SRA1: variants seen among roughly 807,000 people sequenced by gnomAD.
The protein encoded by SRA1 is steroid receptor RNA activator 1.
Under a neutral mutation model 24.3 loss-of-function variants are expected in SRA1, and 25 were observed. That is an observed-to-expected ratio of 1.03 (90% CI 0.75 to 1.43). The LOEUF (loss-of-function observed/expected upper bound fraction) is 1.43. SRA1 is among the 40% of genes most tolerant of loss of function. The pLI, the probability that SRA1 is intolerant of heterozygous loss-of-function variation, is 0.00. For missense variants in SRA1, 303 were observed against 286.6 expected (o/e 1.06, Z -0.41); for synonymous variants, 104 against 109.5 (o/e 0.95, Z 0.31).
chr5:140,552,139 G>A lies in SRA1; in HGVS notation c.197C>T (p.Pro66Leu). Residue 66 changes from proline to leucine, a missense_variant, in exon 3 of 5, where the codon CCA becomes CTA. Coordinates refer to ENST00000336283, the MANE Select transcript of SRA1 (RefSeq NM_001035235.4). ...TSPGPPPMGPPPPSSKAPRSP... is the reference protein window; with the variant it reads ...TSPGPPPMGPLPPSSKAPRSP... The stretch of plus-strand genomic sequence containing the variant: ...CCTGGGAGCCTTACTTGAAGGAGGT[G>A]GAGGCCCCATTGGGGGAGGCCCAGG... 6.2e-7 allele frequency: 1 copy of A among 1,611,436 alleles called. No individual in the cohort carries two copies. The highest frequency in any genetic ancestry group is 8.5e-7 in the Non-Finnish European group (1 of 1,178,816).
intron 2 of SRA1, among the ~76,000 whole-genome samples, chr5:140,555,279 C>T (rs1417072302): frequency 6.7e-6 from 1 of 149,238 alleles, no homozygotes; most frequent in Non-Finnish European, 1.5e-5. Flanking sequence ...CAGAATATCA[C>T]TCTGTCGCCC....
At chr5:140,551,214 TGAGGG>T (rs1259630514) in intron 3 of SRA1, 45 bp from the exon 4 acceptor site, 2 of 1,497,060 alleles carry the variant, frequency 1.3e-6, no homozygotes, top group Non-Finnish European at 1.9e-6. Context: ...GCCAGCCCAA[TGAGGG>T]GAGGAGAGGG....
At chr5:140,557,113 T>A in intron 2 of SRA1, 34 bp downstream of exon 2, 9 of 1,145,202 alleles carry the variant, frequency 7.9e-6, no homozygotes, top group South Asian at 1.4e-5. Context: ...CCCCCCATTC[T>A]CCGTCTGTCT....
chr5:140,550,427 A>C lies in SRA1; in HGVS notation c.*273T>G, dbSNP rs930878962. Reference sequence around the variant, plus strand: ...GAAGGGAGAACAGAGGTTTGCAGATACACAGGGAGCAGGGCAGTCGAGGAC... The same window carrying C: ...GAAGGGAGAACAGAGGTTTGCAGATCCACAGGGAGCAGGGCAGTCGAGGAC... On this transcript the variant is annotated 3_prime_UTR_variant, in exon 5 of 5. Transcript: ENST00000336283. The C allele has an allele frequency of 3.9e-6, 2 of 506,878 alleles. No homozygotes were observed. The highest frequency in any genetic ancestry group is 3.8e-5 in the African/African-American group (2 of 52,126). 31.4% of individuals were successfully genotyped at this position (506,878 alleles called of 1,614,324 possible).
intron 2 of SRA1, among the ~76,000 whole-genome samples, chr5:140,555,723 T>C (rs1754677051): frequency 6.6e-6 from 1 of 151,918 alleles, no homozygotes. Flanking sequence ...CAGCCTAAAC[T>C]TCACATGGCC....
intron 3 of SRA1, 86 bp from the exon 4 acceptor site, chr5:140,551,255 C>T (rs1402688926): frequency 1.0e-6 from 1 of 973,832 alleles, no homozygotes; most frequent in Admixed American, 2.2e-5. Flanking sequence ...TAGGAAGCAC[C>T]TGCTTTCTCT....
intron 2 of SRA1, among the ~76,000 whole-genome samples, chr5:140,556,294 C>T (rs1754692446): frequency 6.6e-6 from 1 of 152,132 alleles, no homozygotes; most frequent in Non-Finnish European, 1.5e-5. Flanking sequence ...GGGGCCACGG[C>T]ACAGCCCATT....
chr5:140,557,537 G>C (rs913697480), upstream of SRA1: 2 of 1,476,052 alleles, frequency 1.4e-6, no homozygotes, highest in South Asian at 1.3e-5. Flanking sequence ...TCCAGGGCCA[G>C]GCGGGTTGCC....
At chr5:140,555,814 T>C (rs987709106) in intron 2 of SRA1, among the ~76,000 whole-genome samples, 1 of 151,896 alleles carries the variant, frequency 6.6e-6, no homozygotes, top group African/African-American at 2.4e-5. Context: ...ATATGGATTC[T>C]TCCTAATCTA....
chr5:140,555,985 T>A (rs1022943819), intron 2 of SRA1, among the ~76,000 whole-genome samples: 7 of 152,258 alleles, frequency 4.6e-5, no homozygotes, highest in African/African-American at 1.7e-4. Context: ...GACACAGTGA[T>A]CTTTCCAAAA....
intron 3 of SRA1, chr5:140,551,457 GA>G: frequency 3.0e-6 from 1 of 328,142 alleles, no homozygotes; most frequent in Non-Finnish European, 5.6e-6. Context: ...ACTATGACTA[GA>G]ATTCTAAAAT....
rs551082593 is a variant in SRA1 at position 140,553,307 on chromosome 5, TAAA to T, written c.152-1126_152-1124del. Among the ~76,000 whole-genome samples, 1,240 of 128,028 alleles carry T rather than the reference TAAA, an allele frequency of 9.7e-3. 11 individuals are homozygous for T. Among genetic ancestry groups the T allele is most frequent in the Middle Eastern group, 0.024 (6 of 252 alleles). The allele number at this position is 128,028 out of a possible 152,430, so 84.0% of individuals were successfully genotyped here. A position where few individuals can be genotyped will look rare whatever the true frequency, so the allele number is the denominator to read the frequency against. The stretch of plus-strand genomic sequence containing the variant: ...CCTGAGCAGCATACTAAGACCCTCT[TAAA>T]AAAAAAAAAAAAAGACAGCTGCTAG... On this transcript the variant is annotated intron_variant, in intron 2 of 4. Coordinates refer to ENST00000336283, the MANE Select transcript of SRA1 (RefSeq NM_001035235.4).
intron 2 of SRA1, among the ~76,000 whole-genome samples, chr5:140,553,401 A>G (rs1223902035): frequency 1.3e-5 from 2 of 152,238 alleles, no homozygotes; most frequent in East Asian, 1.9e-4. Context: ...CGGATGAGAT[A>G]GATGCAGCTA....
At chr5:140,557,578 A>T, upstream of SRA1, 1 of 1,172,878 alleles carries the variant, frequency 8.5e-7, no homozygotes, top group Non-Finnish European at 1.2e-6. Flanking sequence ...GCTGGTTCAC[A>T]ACCGTCGGGA....
At chr5:140,555,670 A>C (rs1013324953) in intron 2 of SRA1, among the ~76,000 whole-genome samples, 1 of 152,104 alleles carries the variant, frequency 6.6e-6, no homozygotes, top group African/African-American at 2.4e-5. Context: ...TGTAATGGTG[A>C]CTTATTTCTC....
At chr5:140,557,391 C>A (rs376026703) in intron 1 of SRA1, 37 bp downstream of exon 1, 3 of 1,598,122 alleles carry the variant, frequency 1.9e-6, no homozygotes, top group African/African-American at 1.3e-5. Flanking sequence ...TAGGCCGGGG[C>A]GACAACCTAG....
rs1369640192 is a variant in SRA1 at position 140,552,173 on chromosome 5, C to G, written c.163G>C (p.Glu55Gln). Reference protein sequence around the residue: ...QDGSPRVPASETSPGPPPMGP... With the variant: ...QDGSPRVPASQTSPGPPPMGP... ...ATTGGGGGAGGCCCAGGAGAAGTCT[C>G]TGATGCGGGGACTGAAAAGGTACAG... The change falls in exon 3 of 5, where the codon GAG (glutamate) becomes CAG (glutamine). Residue 55 changes from glutamate to glutamine, a missense_variant. Coordinates refer to ENST00000336283, the MANE Select transcript of SRA1 (RefSeq NM_001035235.4). The G allele has an allele frequency of 9.5e-6, 15 of 1,584,886 alleles. No homozygotes were observed. The highest frequency in any genetic ancestry group is 1.3e-5 in the Non-Finnish European group (15 of 1,166,046).
chr5:140,554,545 T>C (rs1471548234), intron 2 of SRA1, among the ~76,000 whole-genome samples: 1 of 152,154 alleles, frequency 6.6e-6, no homozygotes, highest in Non-Finnish European at 1.5e-5. Flanking sequence ...TTACCAGCTG[T>C]ACTCTGCATC....
In SRA1 at chr5:140,551,351, T is replaced by G. The variant is rs72492417; in HGVS notation, c.355-182A>C. 291 of 568,814 alleles carry G rather than the reference T, an allele frequency of 5.1e-4. 1 individual carries two copies. The East Asian group carries it at 7.5e-3, about 15-fold the overall frequency. 35.2% of individuals were successfully genotyped at this position (568,814 alleles called of 1,614,324 possible). A position where few individuals can be genotyped will look rare whatever the true frequency, so the allele number is the denominator to read the frequency against. On this transcript the variant is annotated intron_variant, in intron 3 of 4. Coordinates refer to ENST00000336283, the MANE Select transcript of SRA1 (RefSeq NM_001035235.4). ...ATGAAACCTTCCTTTCCCTGCTGTC[T>G]TCTTCTGACACTGCCTGATGTTTCA...
Sources: allele counts gnomAD v4.1 joint callset (sites outside exome capture counted in the v4.1 genomes callset), GRCh38; gene constraint gnomAD v4.1.1; transcripts MANE v1.5; gene names NCBI Gene and HGNC (gene_info 2026-07-23, HGNC 2026-07-21).